SPTLC2: variants seen among roughly 807,000 people sequenced by gnomAD.
SPTLC2 encodes serine palmitoyltransferase 2.
In SPTLC2, 21 loss-of-function variants were observed where a neutral mutation model predicts 62.0. The observed-to-expected ratio is 0.34, with a 90% CI of 0.24 to 0.49. The LOEUF (loss-of-function observed/expected upper bound fraction) is 0.49. SPTLC2 is among the 20% of genes least tolerant of loss of function. SPTLC2 has a pLI of 0.99. For missense variants in SPTLC2, 511 were observed against 713.0 expected (o/e 0.72, Z 3.23); for synonymous variants, 261 against 261.8 (o/e 1.00, Z 0.03).
intron 1 of SPTLC2, among the ~76,000 whole-genome samples, chr14:77,609,881 C>G (rs776654312): frequency 1.2e-4 from 19 of 152,066 alleles, no homozygotes; most frequent in Non-Finnish European, 2.4e-4. Context: ...CTGAATCAAT[C>G]AATCAATCAA....
intron 1 of SPTLC2, among the ~76,000 whole-genome samples, chr14:77,606,209 A>G (rs1457688949): frequency 1.3e-5 from 2 of 152,332 alleles, no homozygotes; most frequent in Non-Finnish European, 1.5e-5. Flanking sequence ...GCACGCCCAT[A>G]ATCCCAGCTA....
chr14:77,583,184 A>C (rs927692123), intron 2 of SPTLC2, among the ~76,000 whole-genome samples: 5 of 146,048 alleles, frequency 3.4e-5, no homozygotes, highest in African/African-American at 5.0e-5. Context: ...TGGGCAATAG[A>C]GTGAAAAGCT....
chr14:77,528,345 A>C (rs1224201317), intron 9 of SPTLC2, among the ~76,000 whole-genome samples: 2 of 151,230 alleles, frequency 1.3e-5, no homozygotes, highest in African/African-American at 2.4e-5. Flanking sequence ...AATTCTCCTG[A>C]CTCAGCCTCC....
chr14:77,555,566 T>A, intron 7 of SPTLC2, 47 bp from the exon 8 acceptor site: 2 of 1,562,850 alleles, frequency 1.3e-6, no homozygotes, highest in Non-Finnish European at 1.8e-6. Flanking sequence ...ACACTGAGAC[T>A]TTTTAAATCA....
chr14:77,562,266 G>A (rs2079618908), intron 6 of SPTLC2, 130 bp downstream of exon 6: 2 of 802,936 alleles, frequency 2.5e-6, no homozygotes, highest in Admixed American at 2.0e-5. Context: ...TGGACCGGAA[G>A]AACATTTTAA....
intron 11 of SPTLC2, among the ~76,000 whole-genome samples, chr14:77,515,651 G>C (rs1440710475): frequency 6.7e-6 from 1 of 148,694 alleles, no homozygotes; most frequent in African/African-American, 2.5e-5. Flanking sequence ...CCAGATTCAA[G>C]TGGTTCTTCC....
At chr14:77,574,964 C>T (rs529481089) in intron 4 of SPTLC2, among the ~76,000 whole-genome samples, 1 of 152,216 alleles carries the variant, frequency 6.6e-6, no homozygotes, top group South Asian at 2.1e-4. Context: ...TCCCAGTGTT[C>T]TGGAAGGCTG....
chr14:77,534,588 T>TACACACACACACACACACAC (rs1555373993), intron 9 of SPTLC2, among the ~76,000 whole-genome samples: 23,684 of 140,794 alleles, frequency 0.17, 2,193 homozygotes, highest in Middle Eastern at 0.24. Context: ...CATATTTCAG[T>TACACACACACACACACACAC]ACACACACAC....
At chr14:77,541,641 G>T (rs1244807064) in intron 9 of SPTLC2, among the ~76,000 whole-genome samples, 2 of 152,088 alleles carry the variant, frequency 1.3e-5, no homozygotes, top group South Asian at 4.1e-4. Context: ...CACTTTCTTT[G>T]AACAGCTCTA....
intron 11 of SPTLC2, among the ~76,000 whole-genome samples, chr14:77,517,535 A>C (rs2079365062): frequency 6.6e-6 from 1 of 152,212 alleles, no homozygotes. Flanking sequence ...TCCTATCCTC[A>C]ATATTTATCT....
intron 9 of SPTLC2, among the ~76,000 whole-genome samples, chr14:77,522,319 C>A (rs144012797): frequency 6.6e-6 from 1 of 152,150 alleles, no homozygotes; most frequent in South Asian, 2.1e-4. Context: ...CACATCACCA[C>A]GCCCAGCTAA....
intron 5 of SPTLC2, among the ~76,000 whole-genome samples, chr14:77,570,009 G>A (rs1166711130): frequency 6.7e-6 from 1 of 149,684 alleles, no homozygotes; most frequent in Non-Finnish European, 1.5e-5. Flanking sequence ...TTGAGACGAG[G>A]CCTCACTATG....
chr14:77,522,609 T>A (rs549383640), intron 9 of SPTLC2, among the ~76,000 whole-genome samples: 36 of 152,194 alleles, frequency 2.4e-4, no homozygotes, highest in Non-Finnish European at 3.5e-4. Flanking sequence ...GACTAAATAT[T>A]TGGGCAGGTT....
intron 6 of SPTLC2, among the ~76,000 whole-genome samples, chr14:77,559,196 A>C (rs2079601524): frequency 6.6e-6 from 1 of 152,006 alleles, no homozygotes; most frequent in Non-Finnish European, 1.5e-5. Context: ...GGTGGTGGGC[A>C]CCTGTAATTC....
At chr14:77,557,263 A>G in intron 6 of SPTLC2, 117 bp from the exon 7 acceptor site, 1 of 930,770 alleles carries the variant, frequency 1.1e-6, no homozygotes. Context: ...AAAGGACATA[A>G]TTAGAGTTGG....
chr14:77,596,071 T>C (rs2037931), intron 2 of SPTLC2, among the ~76,000 whole-genome samples: 137,110 of 152,180 alleles, frequency 0.9, 61,900 homozygotes, highest in East Asian at 1. Flanking sequence ...GGCACAGTGG[T>C]TCACACCTGT....
chr14:77,614,672 C>A (rs1364685290), intron 1 of SPTLC2, among the ~76,000 whole-genome samples: 12 of 122,456 alleles, frequency 9.8e-5, no homozygotes, highest in East Asian at 2.7e-4. Flanking sequence ...TCAAAAAAAA[C>A]CAAAAAAACA....
chr14:77,561,480 G>A (rs148986599), intron 6 of SPTLC2, among the ~76,000 whole-genome samples: 8,843 of 151,760 alleles, frequency 0.058, 839 homozygotes, highest in African/African-American at 0.2. Context: ...GTGTGGTGGC[G>A]CGCTCCTGTA....
At chr14:77,547,811 C>G (rs113707094) in intron 9 of SPTLC2, 6,651 of 151,412 alleles carry the variant, frequency 0.044, 158 homozygotes, top group Middle Eastern at 0.1. Flanking sequence ...AAGCGATCCT[C>G]GTGCCTCAGC....
Sources: gnomAD v4.1 joint callset for allele counts (sites outside exome capture counted in the v4.1 genomes callset) on GRCh38, gnomAD v4.1.1 for gene constraint, MANE v1.5 for transcripts, NCBI Gene and HGNC (gene_info 2026-07-23, HGNC 2026-07-21) for gene names.